Variants in SPIC observed in about 807,000 individuals in gnomAD.
SPIC encodes the protein transcription factor Spi-C.
A neutral mutation model predicts 16.7 loss-of-function variants in SPIC; 9 were observed. The observed-to-expected ratio is 0.54, with a 90% CI of 0.33 to 0.94. SPIC has a LOEUF of 0.94. Ranked by LOEUF, SPIC falls within the 40% of genes least tolerant of loss-of-function variation. The probability of loss-of-function intolerance (pLI) is 0.03; values close to 1 mark genes in which losing one functional copy is unlikely to be tolerated. For synonymous variants in SPIC, 97 were observed against 102.9 expected (o/e 0.94, Z 0.35); for missense variants, 241 against 285.8 (o/e 0.84, Z 1.13).
In SPIC at chr12:101,482,775, C is replaced by A; in HGVS notation, c.211-17C>A. The A allele has an allele frequency of 1.3e-6, 2 of 1,593,664 alleles. No homozygotes were observed. The highest frequency in any genetic ancestry group is 1.8e-5 in the Admixed American group (1 of 56,834). ...AGGGAAAGTCTCACTTAACATCCTG[C>A]TTCATTATTTATATAGAACAGTGCT... On this transcript the variant is annotated splice_polypyrimidine_tract_variant and intron_variant, in intron 4 of 5. Coordinates refer to ENST00000551346, the MANE Select transcript of SPIC (RefSeq NM_152323.3).
At chr12:101,479,187 A>G (rs1178482639) in intron 3 of SPIC, among the ~76,000 whole-genome samples, 1 of 124,468 alleles carries the variant, frequency 8.0e-6, no homozygotes, top group African/African-American at 3.2e-5. Context: ...AAAGAAAGAA[A>G]GAAAGAAAGA....
chr12:101,482,775 C>T lies in SPIC; in HGVS notation c.211-17C>T, dbSNP rs1434658838. The T allele has an allele frequency of 1.3e-6, 2 of 1,593,548 alleles. No homozygotes were observed. Among genetic ancestry groups the T allele is most frequent in the East Asian group, 2.3e-5 (1 of 44,398 alleles). On this transcript the variant is annotated splice_polypyrimidine_tract_variant and intron_variant, in intron 4 of 5. Coordinates refer to ENST00000551346, the MANE Select transcript of SPIC (RefSeq NM_152323.3). The stretch of plus-strand genomic sequence containing the variant: ...AGGGAAAGTCTCACTTAACATCCTG[C>T]TTCATTATTTATATAGAACAGTGCT...
At chr12:101,484,633 A>C (rs1873310207) in intron 5 of SPIC, among the ~76,000 whole-genome samples, 1 of 151,712 alleles carries the variant, frequency 6.6e-6, no homozygotes, top group Non-Finnish European at 1.5e-5. Context: ...CAAGGAGGCT[A>C]CCTGATTCAC....
chr12:101,485,364 A>G (rs539098745), intron 5 of SPIC, among the ~76,000 whole-genome samples: 2 of 152,326 alleles, frequency 1.3e-5, no homozygotes, highest in African/African-American at 4.8e-5. Context: ...GATTCTCTCA[A>G]AATTTCCTGC....
intron 3 of SPIC, among the ~76,000 whole-genome samples, chr12:101,478,979 A>G (rs1023571046): frequency 6.6e-6 from 1 of 150,942 alleles, no homozygotes; most frequent in Non-Finnish European, 1.5e-5. Flanking sequence ...TCTACAAAAA[A>G]TACAAAAATT....
chr12:101,485,426 A>G (rs961750186), intron 5 of SPIC, among the ~76,000 whole-genome samples: 7 of 152,242 alleles, frequency 4.6e-5, no homozygotes, highest in African/African-American at 1.4e-4. Flanking sequence ...TAGTGGCACT[A>G]TTTATTCCAC....
At chr12:101,484,466 G>A (rs1173059832) in intron 5 of SPIC, among the ~76,000 whole-genome samples, 1 of 152,018 alleles carries the variant, frequency 6.6e-6, no homozygotes, top group South Asian at 2.1e-4. Context: ...AGTCCAGGAG[G>A]TGGAGGTTGC....
At chr12:101,478,858 A>C (rs1251933348) in intron 3 of SPIC, among the ~76,000 whole-genome samples, 2 of 152,090 alleles carry the variant, frequency 1.3e-5, no homozygotes, top group East Asian at 1.9e-4. Context: ...TCATGTGGGC[A>C]GGGCATGGTG....
chr12:101,482,961 TA>T lies in SPIC; in HGVS notation c.319+64del, dbSNP rs529172972. On this transcript the variant is annotated intron_variant, in intron 5 of 5. Transcript: ENST00000551346. The stretch of plus-strand genomic sequence containing the variant: ...AACCAGATCTTCCTCATAGCTGCTT[TA>T]AAGGGATTTTATAACTGAGTTTGGA... 1,434 of 1,420,442 alleles carry T rather than the reference TA, an allele frequency of 1.0e-3. 13 individuals are homozygous for T. In the South Asian group the frequency reaches 0.012, roughly 12 times the overall value. 88.0% of individuals were successfully genotyped at this position (1,420,442 alleles called of 1,614,324 possible). A position where few individuals can be genotyped will look rare whatever the true frequency, so the allele number is the denominator to read the frequency against.
In SPIC at chr12:101,486,835, C is replaced by T; in HGVS notation, c.*64C>T. The stretch of plus-strand genomic sequence containing the variant: ...TCTCTACAAGTTTTAATGATTTCTC[C>T]CTCCCTCTCTTTTTTTCCTCCTCTG... On this transcript the variant is annotated 3_prime_UTR_variant, in exon 6 of 6. Transcript: ENST00000551346. 7.5e-7 allele frequency: 1 copy of T among 1,332,822 alleles called. No homozygotes were observed. The highest frequency in any genetic ancestry group is 1.0e-6 in the Non-Finnish European group (1 of 997,308). 82.6% of individuals were successfully genotyped at this position (1,332,822 alleles called of 1,614,324 possible). A position where few individuals can be genotyped will look rare whatever the true frequency, so the allele number is the denominator to read the frequency against.
chr12:101,477,175 C>G (rs1005269315), intron 2 of SPIC, among the ~76,000 whole-genome samples: 46 of 152,106 alleles, frequency 3.0e-4, no homozygotes, highest in African/African-American at 7.7e-4. Context: ...CTCCTCTGCT[C>G]TACAACTCCT....
intron 5 of SPIC, among the ~76,000 whole-genome samples, chr12:101,484,607 C>T (rs932578259): frequency 2.0e-5 from 3 of 150,766 alleles, no homozygotes; most frequent in East Asian, 2.0e-4. Flanking sequence ...GGAGTCTCTC[C>T]GAACCTATTC....
chr12:101,483,183 G>A (rs2121260998), intron 5 of SPIC, among the ~76,000 whole-genome samples: 1 of 150,392 alleles, frequency 6.6e-6, no homozygotes, highest in Non-Finnish European at 1.5e-5. Flanking sequence ...TGGGATTACA[G>A]GTGTGAGCCA....
chr12:101,475,965 T>C (rs1236711151), intron 1 of SPIC, among the ~76,000 whole-genome samples: 1 of 152,208 alleles, frequency 6.6e-6, no homozygotes, highest in African/African-American at 2.4e-5. Flanking sequence ...TGATATATGA[T>C]GGATATATAT....
chr12:101,478,083 G>T (rs1020789759), intron 3 of SPIC, among the ~76,000 whole-genome samples: 2 of 141,904 alleles, frequency 1.4e-5, no homozygotes, highest in Non-Finnish European at 3.0e-5. Context: ...CCAGGCTGGC[G>T]TGCAGTGGCG....
At position 101,479,764 on chromosome 12, in the gene SPIC, C is replaced by T. The variant is rs1409270437; in HGVS notation, c.210+70C>T. Reference sequence around the variant, plus strand: ...TTGCCAGCCTTCCATTTCACATACACTGTCTGAAACCCAGCTTAAAGACAG... The same window carrying T: ...TTGCCAGCCTTCCATTTCACATACATTGTCTGAAACCCAGCTTAAAGACAG... On this transcript the variant is annotated intron_variant, in intron 4 of 5. Transcript: ENST00000551346. The T allele has an allele frequency of 3.5e-6, 4 of 1,134,876 alleles. No individual in the cohort carries two copies. The South Asian group carries it at 5.6e-5, about 16-fold the overall frequency. 70.3% of individuals were successfully genotyped at this position (1,134,876 alleles called of 1,614,324 possible).
At chr12:101,480,775 C>T (rs1873162224) in intron 4 of SPIC, among the ~76,000 whole-genome samples, 1 of 152,024 alleles carries the variant, frequency 6.6e-6, no homozygotes. Context: ...TCACTTGAGC[C>T]CAAGAGTTCG....
chr12:101,475,493 T>G lies in SPIC; in HGVS notation c.-87T>G, dbSNP rs1446850541. ...GAAACATCTCTATAAAGGGTTGAAG[T>G]GTCTTCCCGGTAAGTTCTCAGCTTA... On this transcript the variant is annotated 5_prime_UTR_variant, in exon 1 of 6. Transcript: ENST00000551346. 6.6e-6 allele frequency: 1 copy of G among 152,202 alleles called. No homozygotes were observed. Among genetic ancestry groups the G allele is most frequent in the East Asian group, 1.9e-4 (1 of 5,202 alleles). The allele number at this position is 152,202 out of a possible 1,614,324, so 9.4% of individuals were successfully genotyped here.
intron 4 of SPIC, among the ~76,000 whole-genome samples, chr12:101,482,575 C>T (rs778189752): frequency 2.0e-5 from 3 of 152,070 alleles, no homozygotes; most frequent in Non-Finnish European, 2.9e-5. Flanking sequence ...CATGACACTC[C>T]TCACAAAGCC....
Sources: gnomAD v4.1 joint callset for allele counts (sites outside exome capture counted in the v4.1 genomes callset) on GRCh38, gnomAD v4.1.1 for gene constraint, MANE v1.5 for transcripts, NCBI Gene and HGNC (gene_info 2026-07-23, HGNC 2026-07-21) for gene names.